The following BMPR1A variants were observed in gnomAD, a reference collection of about 807,000 sequenced individuals.
The protein encoded by BMPR1A is bone morphogenetic protein receptor type 1A.
Under a neutral mutation model 66.0 loss-of-function variants are expected in BMPR1A, and 7 were observed. That is an observed-to-expected ratio of 0.11 (90% CI 0.06 to 0.20). The LOEUF (loss-of-function observed/expected upper bound fraction) is 0.20, where lower values mean the gene tolerates loss of function less well. Ranked by LOEUF, BMPR1A falls within the 10% of genes least tolerant of loss-of-function variation. BMPR1A has a pLI of 1.00. For missense variants in BMPR1A, 408 were observed against 669.1 expected (o/e 0.61, Z 4.31); for synonymous variants, 200 against 229.7 (o/e 0.87, Z 1.17).
In BMPR1A at chr10:86,861,628, CAT is replaced by C. The variant is rs1177827989; in HGVS notation, c.-152-14238_-152-14237del. Among the ~76,000 whole-genome samples, 9 of 152,314 alleles carry C rather than the reference CAT, an allele frequency of 5.9e-5. No homozygotes were observed. The South Asian group carries it at 1.0e-3, about 18-fold the overall frequency. ...TCCATACTTATTTAACTTGGTATAA[CAT>C]GTGGTACTGTAAAAGCATAACCCAA... is the stretch of plus-strand genomic sequence containing the variant. On this transcript the variant is annotated intron_variant, in intron 2 of 12. Coordinates refer to ENST00000372037, the MANE Select transcript of BMPR1A (RefSeq NM_004329.3).
chr10:86,786,511 G>T (rs1345232789), intron 1 of BMPR1A, among the ~76,000 whole-genome samples: 4 of 152,062 alleles, frequency 2.6e-5, no homozygotes, highest in Admixed American at 2.6e-4. Context: ...TTTCCTGCTC[G>T]TTGAAACACT....
At chr10:86,909,900 G>A (rs772232859) in intron 7 of BMPR1A, among the ~76,000 whole-genome samples, 3 of 152,160 alleles carry the variant, frequency 2.0e-5, no homozygotes, top group Non-Finnish European at 4.4e-5. Context: ...TGTTGGTGGA[G>A]GGATTCCAAC....
At chr10:86,901,553 A>G (rs879069224) in intron 7 of BMPR1A, among the ~76,000 whole-genome samples, 6 of 152,174 alleles carry the variant, frequency 3.9e-5, no homozygotes, top group African/African-American at 7.2e-5. Context: ...TGGGTGTGCA[A>G]AGTCACTGCT....
intron 8 of BMPR1A, among the ~76,000 whole-genome samples, chr10:86,915,545 A>G (rs1213585578): frequency 1.3e-5 from 2 of 151,744 alleles, no homozygotes; most frequent in African/African-American, 2.4e-5. Context: ...TCTGGCCAAC[A>G]TGGTGAAACC....
rs11812471 is a variant in BMPR1A, at chr10:86,846,993, A to G, written c.-153+8014A>G. ...TAATTTTATTTATTTATTTATTTAG[A>G]GGTGGAGTCTCGCTCTGCTCTCTGC... On this transcript the variant is annotated intron_variant, in intron 2 of 12. Coordinates refer to ENST00000372037, the MANE Select transcript of BMPR1A (RefSeq NM_004329.3). Among the ~76,000 whole-genome samples, 685 of 149,990 alleles carry G rather than the reference A, an allele frequency of 4.6e-3. 4 individuals carry two copies. Among genetic ancestry groups the G allele is most frequent in the African/African-American group, 0.016 (649 of 39,994 alleles).
chr10:86,865,166 C>A (rs1243245139), intron 2 of BMPR1A, among the ~76,000 whole-genome samples: 3 of 152,110 alleles, frequency 2.0e-5, no homozygotes, highest in Admixed American at 2.0e-4. Flanking sequence ...CCTGCCCCAC[C>A]TTAACTGATG....
intron 1 of BMPR1A, among the ~76,000 whole-genome samples, chr10:86,838,470 A>G (rs1842381348): frequency 6.6e-6 from 1 of 152,180 alleles, no homozygotes; most frequent in African/African-American, 2.4e-5. Flanking sequence ...AGTAGAAAAA[A>G]GTGATATTAG....
intron 1 of BMPR1A, among the ~76,000 whole-genome samples, chr10:86,830,445 A>G (rs1842252711): frequency 6.6e-6 from 1 of 152,186 alleles, no homozygotes; most frequent in African/African-American, 2.4e-5. Context: ...GCCATTTTAC[A>G]TGCTCACTGG....
chr10:86,797,246 T>TG, intron 1 of BMPR1A, among the ~76,000 whole-genome samples: 1 of 142,582 alleles, frequency 7.0e-6, no homozygotes, highest in African/African-American at 2.5e-5. Context: ...TTTTTTTTTT[T>TG]TTGAGACGGA....
intron 3 of BMPR1A, among the ~76,000 whole-genome samples, chr10:86,886,832 T>G (rs1416557853): frequency 7.7e-5 from 11 of 142,054 alleles, no homozygotes; most frequent in African/African-American, 2.9e-4. Context: ...TTGTCACTTT[T>G]TTTTTTTTTT....
Position 86,803,846 on chromosome 10 carries a change from T to C in BMPR1A, c.-267-35019T>C, listed in dbSNP as rs7068401. On this transcript the variant is annotated intron_variant, in intron 1 of 12. Coordinates refer to ENST00000372037, the MANE Select transcript of BMPR1A (RefSeq NM_004329.3). ...CTACTGAAAAGTCTGCTAATATTCATTGACTGATTGATTTGATTTGGAGAG... is the reference window on the plus strand; with the variant it reads ...CTACTGAAAAGTCTGCTAATATTCACTGACTGATTGATTTGATTTGGAGAG... Among the ~76,000 whole-genome samples the C allele has an allele frequency of 5.8e-3, 878 of 152,292 alleles. 9 individuals are homozygous for C. The highest frequency in any genetic ancestry group is 0.018 in the African/African-American group (728 of 41,570).
At chr10:86,830,008 T>C (rs775629069) in intron 1 of BMPR1A, among the ~76,000 whole-genome samples, 2 of 152,010 alleles carry the variant, frequency 1.3e-5, no homozygotes, top group African/African-American at 2.4e-5. Context: ...TAGGGACCAC[T>C]ACAATAGTGT....
At chr10:86,776,857 C>T (rs1469284723) in intron 1 of BMPR1A, among the ~76,000 whole-genome samples, 1 of 152,154 alleles carries the variant, frequency 6.6e-6, no homozygotes, top group Non-Finnish European at 1.5e-5. Flanking sequence ...AATATCTTGA[C>T]TTCCTGCAAA....
intron 1 of BMPR1A, among the ~76,000 whole-genome samples, chr10:86,811,121 A>G (rs1416992853): frequency 6.6e-6 from 1 of 152,046 alleles, no homozygotes; most frequent in African/African-American, 2.4e-5. Context: ...TCACGGCAAC[A>G]TCTGGCTCCC....
At chr10:86,900,785 G>C (rs1843297662) in intron 7 of BMPR1A, among the ~76,000 whole-genome samples, 1 of 152,136 alleles carries the variant, frequency 6.6e-6, no homozygotes, top group Non-Finnish European at 1.5e-5. Flanking sequence ...CTAGATAATA[G>C]ACTTGGAATC....
chr10:86,855,203 G>T (rs537491763), intron 2 of BMPR1A: 6 of 730,584 alleles, frequency 8.2e-6, no homozygotes, highest in African/African-American at 1.8e-5. Context: ...CACACCCTGC[G>T]TCGCTAAGTT....
At chr10:86,845,781 A>C (rs960580455) in intron 2 of BMPR1A, among the ~76,000 whole-genome samples, 12 of 152,208 alleles carry the variant, frequency 7.9e-5, no homozygotes, top group African/African-American at 2.9e-4. Context: ...GTGGATCATG[A>C]GGTCAGGAGA....
intron 1 of BMPR1A, among the ~76,000 whole-genome samples, chr10:86,832,643 C>G (rs1037129193): frequency 1.3e-5 from 2 of 152,090 alleles, no homozygotes; most frequent in African/African-American, 4.8e-5. Flanking sequence ...TTTGCTTTTC[C>G]TAAACATTTA....
chr10:86,871,304 G>A (rs1347533722), intron 2 of BMPR1A, among the ~76,000 whole-genome samples: 2 of 152,082 alleles, frequency 1.3e-5, no homozygotes, highest in African/African-American at 4.8e-5. Flanking sequence ...GTGTTTTCTT[G>A]TTTGGTGTCT....
Sources: allele counts gnomAD v4.1 joint callset (sites outside exome capture counted in the v4.1 genomes callset), GRCh38; gene constraint gnomAD v4.1.1; transcripts MANE v1.5; gene names NCBI Gene and HGNC (gene_info 2026-07-23, HGNC 2026-07-21).